The following DOCK7 variants were observed in gnomAD, a reference collection of about 807,000 sequenced individuals.
The protein encoded by DOCK7 is dedicator of cytokinesis 7.
In DOCK7, 138 loss-of-function variants were observed where a neutral mutation model predicts 271.0. The ratio of observed to expected loss-of-function variants is 0.51; its 90% confidence interval spans 0.44 to 0.59. The LOEUF is 0.59. Among genes scored for constraint, DOCK7 ranks in the 20% least tolerant of loss-of-function variants. The pLI, the probability that DOCK7 is intolerant of heterozygous loss-of-function variation, is 0.00. For missense variants in DOCK7, 2,066 were observed against 2,592.4 expected, an observed-to-expected ratio of 0.80 and a Z score of 4.41; for synonymous variants, 823 against 876.1, an observed-to-expected ratio of 0.94 and a Z score of 1.07.
intron 49 of DOCK7, 152 bp downstream of exon 49, chr1:62,457,386 T>C: frequency 2.8e-6 from 2 of 704,820 alleles, no homozygotes; most frequent in South Asian, 4.3e-5. Context: ...CCAGTAAGTG[T>C]AACACGAATA....
At chr1:62,459,782 T>C (rs987101655) in intron 48 of DOCK7, among the ~76,000 whole-genome samples, 2 of 152,056 alleles carry the variant, frequency 1.3e-5, no homozygotes, top group Admixed American at 6.6e-5. Flanking sequence ...CCGAATGTAA[T>C]GCAATTATTC....
chr1:62,459,741 A>C (rs1344432642), intron 48 of DOCK7, among the ~76,000 whole-genome samples: 2 of 152,116 alleles, frequency 1.3e-5, no homozygotes, highest in Admixed American at 1.3e-4. Context: ...AGAAAACACT[A>C]ACTTCTACTA....
intron 48 of DOCK7, among the ~76,000 whole-genome samples, chr1:62,471,587 G>C (rs1645832027): frequency 6.6e-6 from 1 of 152,206 alleles, no homozygotes; most frequent in Non-Finnish European, 1.5e-5. Flanking sequence ...CCAGGAGTTT[G>C]AGGCTGCAGT....
At chr1:62,592,911 C>T (rs1222001143) in intron 14 of DOCK7, among the ~76,000 whole-genome samples, 1 of 152,090 alleles carries the variant, frequency 6.6e-6, no homozygotes. Flanking sequence ...TATTTATATA[C>T]ATACATCACC....
chr1:62,578,077 C>T (rs1205125404), intron 17 of DOCK7, among the ~76,000 whole-genome samples: 2 of 152,086 alleles, frequency 1.3e-5, no homozygotes, highest in Admixed American at 1.3e-4. Flanking sequence ...GTGCACGACA[C>T]CACGCCTAGC....
chr1:62,550,786 T>C (rs1645869244), intron 22 of DOCK7, among the ~76,000 whole-genome samples: 1 of 149,498 alleles, frequency 6.7e-6, no homozygotes, highest in African/African-American at 2.5e-5. Context: ...AATGGTGAGA[T>C]CTCGGCTCCC....
intron 16 of DOCK7, among the ~76,000 whole-genome samples, chr1:62,582,137 G>A (rs955186100): frequency 6.6e-5 from 10 of 152,152 alleles, no homozygotes; most frequent in Non-Finnish European, 1.3e-4. Context: ...GATGGACCAC[G>A]TCAAGTTGGA....
At chr1:62,568,718 A>G (rs1052233980) in intron 18 of DOCK7, among the ~76,000 whole-genome samples, 2 of 151,628 alleles carry the variant, frequency 1.3e-5, no homozygotes, top group Non-Finnish European at 1.5e-5. Flanking sequence ...CAAAGCTAGC[A>G]GAAGACAAGA....
chr1:62,574,249 T>C (rs954302748), intron 18 of DOCK7, among the ~76,000 whole-genome samples: 1 of 152,094 alleles, frequency 6.6e-6, no homozygotes, highest in Non-Finnish European at 1.5e-5. Context: ...AAATAGAACA[T>C]CATTAAAGTT....
chr1:62,676,225 C>T (rs1660537075), intron 1 of DOCK7, among the ~76,000 whole-genome samples: 1 of 152,160 alleles, frequency 6.6e-6, no homozygotes, highest in Non-Finnish European at 1.5e-5. Flanking sequence ...CTGATATATG[C>T]ACAGATGAAC....
At chr1:62,542,023 C>T (rs1442208866) in intron 25 of DOCK7, among the ~76,000 whole-genome samples, 1 of 151,994 alleles carries the variant, frequency 6.6e-6, no homozygotes, top group Non-Finnish European at 1.5e-5. Context: ...AGGTTTGTGC[C>T]ACCAGGTTTA....
intron 25 of DOCK7, among the ~76,000 whole-genome samples, chr1:62,540,890 T>C (rs1645507607): frequency 6.6e-6 from 1 of 152,008 alleles, no homozygotes; most frequent in Admixed American, 6.6e-5. Context: ...GAGATGTACA[T>C]GAATTACGAA....
chr1:62,542,627 C>A lies in DOCK7; in HGVS notation c.3026G>T (p.Trp1009Leu). The change falls in exon 25 of 50, where the codon TGG (tryptophan) becomes TTG (leucine). Residue 1009 changes from tryptophan (W) to leucine (L), a missense_variant. Coordinates refer to ENST00000635253, the MANE Select transcript of DOCK7 (RefSeq NM_001367561.1). The stretch of plus-strand genomic sequence containing the variant: ...GCTCACCATTAATTCAAAAAAGAAC[C>A]AGGCTTGTTGCAAAGCTGATTCCCG... ...SVRESALQQA[W>L]FFFELMVKSM... 1.2e-6 allele frequency: 2 copies of A among 1,611,852 alleles called. No homozygotes were observed. Among genetic ancestry groups the A allele is most frequent in the South Asian group, 1.1e-5 (1 of 90,640 alleles).
At chr1:62,532,482 C>T (rs780728180) in intron 29 of DOCK7, among the ~76,000 whole-genome samples, 1 of 152,148 alleles carries the variant, frequency 6.6e-6, no homozygotes, top group Non-Finnish European at 1.5e-5. Flanking sequence ...TAGGTATGCA[C>T]CACCATGTAC....
chr1:62,498,673 T>C (rs1282461348), intron 37 of DOCK7, among the ~76,000 whole-genome samples: 7 of 151,342 alleles, frequency 4.6e-5, no homozygotes, highest in African/African-American at 1.7e-4. Context: ...CTTTTATCTA[T>C]GTCTGCCCAA....
At chr1:62,533,096 C>T (rs192217917) in intron 29 of DOCK7, among the ~76,000 whole-genome samples, 5 of 152,182 alleles carry the variant, frequency 3.3e-5, no homozygotes, top group Admixed American at 2.6e-4. Context: ...TTTATCCGTT[C>T]GGAGCCCCCC....
chr1:62,520,659 T>C (rs1644820533), intron 31 of DOCK7, among the ~76,000 whole-genome samples: 2 of 152,044 alleles, frequency 1.3e-5, no homozygotes, highest in Admixed American at 6.5e-5. Flanking sequence ...TTGGTGGGAG[T>C]GTAAATTAGT....
intron 1 of DOCK7, among the ~76,000 whole-genome samples, chr1:62,664,400 G>A (rs1659032265): frequency 6.6e-6 from 1 of 151,976 alleles, no homozygotes; most frequent in Admixed American, 6.6e-5. Flanking sequence ...CTTTTGCTTG[G>A]CTCTCATTCT....
At chr1:62,490,000 A>G (rs1646412385) in intron 41 of DOCK7, among the ~76,000 whole-genome samples, 1 of 150,914 alleles carries the variant, frequency 6.6e-6, no homozygotes, top group South Asian at 2.1e-4. Context: ...TGCTATGGTT[A>G]TAATCACATA....
Sources: allele counts gnomAD v4.1 joint callset (sites outside exome capture counted in the v4.1 genomes callset), GRCh38; gene constraint gnomAD v4.1.1; transcripts MANE v1.5; gene names NCBI Gene and HGNC (gene_info 2026-07-23, HGNC 2026-07-21).